The following TEF variants were observed in gnomAD, a reference collection of about 807,000 sequenced individuals.
TEF encodes the protein TEF transcription factor, PAR bZIP family member.
A neutral mutation model predicts 20.8 loss-of-function variants in TEF; 3 were observed. The observed-to-expected ratio is 0.14, with a 90% CI of 0.07 to 0.37. The LOEUF is 0.37. TEF is among the 10% of genes least tolerant of loss of function. The probability of loss-of-function intolerance (pLI) is 1.00; values close to 1 mark genes in which losing one functional copy is unlikely to be tolerated. For synonymous variants in TEF, 180 were observed against 171.1 expected, an observed-to-expected ratio of 1.05 and a Z score of -0.41; for missense variants, 296 against 397.9, an observed-to-expected ratio of 0.74 and a Z score of 2.18.
chr22:41,370,751 A>G (rs2036874661), intron 1 of TEF, among the ~76,000 whole-genome samples: 2 of 152,152 alleles, frequency 1.3e-5, no homozygotes, highest in Non-Finnish European at 2.9e-5. Context: ...CTTGAAACCC[A>G]GACTTGGGGT....
At chr22:41,387,225 T>C in intron 1 of TEF, 126 bp from the exon 2 acceptor site, 1 of 1,059,866 alleles carries the variant, frequency 9.4e-7, no homozygotes, top group Middle Eastern at 3.1e-4. Flanking sequence ...GAGTAGGTTC[T>C]TGAAATGCAT....
upstream of TEF, among the ~76,000 whole-genome samples, chr22:41,378,629 C>G (rs1375694344): frequency 6.6e-6 from 1 of 152,070 alleles, no homozygotes; most frequent in Admixed American, 6.6e-5. Context: ...CAGGCGTGAG[C>G]CACTGTGCCC....
chr22:41,385,377 T>A (rs1569255977), intron 1 of TEF, among the ~76,000 whole-genome samples: 1 of 151,880 alleles, frequency 6.6e-6, no homozygotes, highest in African/African-American at 2.4e-5. Flanking sequence ...AAAAAAAAGT[T>A]ATTTCTAATC....
Position 41,387,591 on chromosome 22 carries a change from C to G in TEF, c.398C>G (p.Ser133Cys). Residue 133 changes from serine to cysteine, a missense_variant, in exon 2 of 4, where the codon TCT (serine) becomes TGT (cysteine). Ser to Cys is a moderately radical substitution (Grantham distance 112). Coordinates refer to ENST00000266304, the MANE Select transcript of TEF (RefSeq NM_003216.4). ...GTAGCAGAGCTAGAAGGGAAGGAGT[C>G]TGCCAGCTCTTCCACAGCATCCCCA... is the stretch of plus-strand genomic sequence containing the variant. ...LPVAELEGKE[S>C]ASSSTASPPS... 1 of 1,614,240 alleles carries G rather than the reference C, an allele frequency of 6.2e-7. No homozygotes were observed. Among genetic ancestry groups the G allele is most frequent in the Non-Finnish European group, 8.5e-7 (1 of 1,180,042 alleles).
upstream of TEF, among the ~76,000 whole-genome samples, chr22:41,376,990 T>A (rs1363541253): frequency 6.6e-6 from 1 of 152,046 alleles, no homozygotes; most frequent in Non-Finnish European, 1.5e-5. Flanking sequence ...ACCAGTGTGG[T>A]CTTGTTTCTT....
At chr22:41,374,188 T>C (rs1027386142) in intron 1 of TEF, among the ~76,000 whole-genome samples, 1 of 152,002 alleles carries the variant, frequency 6.6e-6, no homozygotes, top group Non-Finnish European at 1.5e-5. Flanking sequence ...GGAGGAGTGC[T>C]TGAGCCCAGG....
chr22:41,369,748 T>G (rs748695638), intron 1 of TEF, among the ~76,000 whole-genome samples: 5 of 152,164 alleles, frequency 3.3e-5, no homozygotes, highest in Non-Finnish European at 5.9e-5. Flanking sequence ...TGGCTTCTCT[T>G]CCATCTGCCA....
Position 41,381,972 on chromosome 22 carries a change from G to T in TEF, c.-73G>T. On this transcript the variant is annotated 5_prime_UTR_variant, in exon 1 of 4. Transcript: ENST00000266304. ...AGCTGCCCGTGTCGGCAGCTGCAGC[G>T]GGTCGCACGGCTCCGGCCCATCTCG... 1 of 1,228,384 alleles carries T rather than the reference G, an allele frequency of 8.1e-7. No homozygotes were observed. Among genetic ancestry groups the T allele is most frequent in the East Asian group, 3.2e-5 (1 of 31,496 alleles). 76.1% of individuals were successfully genotyped at this position (1,228,384 alleles called of 1,614,324 possible).
chr22:41,381,981 G>A lies in TEF; in HGVS notation c.-64G>A. On this transcript the variant is annotated 5_prime_UTR_variant, in exon 1 of 4. Coordinates refer to ENST00000266304, the MANE Select transcript of TEF (RefSeq NM_003216.4). ...TGTCGGCAGCTGCAGCGGGTCGCACGGCTCCGGCCCATCTCGGGGGGCGGG... is the reference window on the plus strand; with the variant it reads ...TGTCGGCAGCTGCAGCGGGTCGCACAGCTCCGGCCCATCTCGGGGGGCGGG... 1.6e-6 allele frequency: 2 copies of A among 1,228,772 alleles called. No individual in the cohort carries two copies. Among genetic ancestry groups the A allele is most frequent in the Non-Finnish European group, 2.0e-6 (2 of 986,076 alleles). The allele number at this position is 1,228,772 out of a possible 1,614,324, so 76.1% of individuals were successfully genotyped here.
chr22:41,397,310 C>G lies in TEF; in HGVS notation c.*1350C>G, dbSNP rs935155239. ...GACTCCTTTCTCTTGTGTGGCGGGACTCGCCCTTTTGCTGTGCTCAGAAGA... is the reference window on the plus strand; with the variant it reads ...GACTCCTTTCTCTTGTGTGGCGGGAGTCGCCCTTTTGCTGTGCTCAGAAGA... On this transcript the variant is annotated 3_prime_UTR_variant, in exon 4 of 4. Transcript: ENST00000266304. 57 of 392,038 alleles carry G rather than the reference C, an allele frequency of 1.5e-4. No individual in the cohort carries two copies. The highest frequency in any genetic ancestry group is 2.3e-4 in the Non-Finnish European group (52 of 222,246). The allele number at this position is 392,038 out of a possible 1,614,324, so 24.3% of individuals were successfully genotyped here. A position where few individuals can be genotyped will look rare whatever the true frequency, so the allele number is the denominator to read the frequency against.
chr22:41,377,983 C>G (rs2036964687), upstream of TEF, among the ~76,000 whole-genome samples: 1 of 152,170 alleles, frequency 6.6e-6, no homozygotes, highest in Non-Finnish European at 1.5e-5. Flanking sequence ...TCCCATCTTT[C>G]TCATAAACAC....
chr22:41,387,741 T>G lies in TEF; in HGVS notation c.475+73T>G. ...TCCATTTCCCACTGAGGGCTGCTTG[T>G]GTCCATGTACCCAGTGAGTCCCTTC... On this transcript the variant is annotated intron_variant, in intron 2 of 3. Transcript: ENST00000266304. The G allele has an allele frequency of 2.1e-6, 3 of 1,459,228 alleles. No individual in the cohort carries two copies. In the South Asian group the frequency reaches 3.9e-5, roughly 19 times the overall value. 90.4% of individuals were successfully genotyped at this position (1,459,228 alleles called of 1,614,324 possible).
At chr22:41,370,289 ATT>A (rs2036867890) in intron 1 of TEF, among the ~76,000 whole-genome samples, 1 of 150,416 alleles carries the variant, frequency 6.6e-6, no homozygotes, top group Non-Finnish European at 1.5e-5. Context: ...TAATTTTTGT[ATT>A]TTTAGTACAG....
chr22:41,373,563 A>G (rs980043242), intron 1 of TEF, among the ~76,000 whole-genome samples: 2 of 151,276 alleles, frequency 1.3e-5, no homozygotes, highest in Non-Finnish European at 2.9e-5. Context: ...TCCGCCTCCC[A>G]GGTTCAAGCA....
intron 1 of TEF, among the ~76,000 whole-genome samples, chr22:41,367,750 G>C (rs546087990): frequency 5.9e-5 from 9 of 152,310 alleles, no homozygotes; most frequent in Admixed American, 6.5e-5. Flanking sequence ...AGAGTGCGGA[G>C]AGGGGTTCGA....
intron 1 of TEF, among the ~76,000 whole-genome samples, chr22:41,372,192 T>C (rs1464904354): frequency 1.3e-5 from 2 of 152,192 alleles, no homozygotes; most frequent in African/African-American, 4.8e-5. Flanking sequence ...AAAGAGGCAC[T>C]GGCTACCCTC....
At chr22:41,368,104 G>A (rs181356120) in intron 1 of TEF, among the ~76,000 whole-genome samples, 4 of 152,208 alleles carry the variant, frequency 2.6e-5, no homozygotes, top group Non-Finnish European at 4.4e-5. Context: ...CACAAGGCTC[G>A]AAGCCCTGCG....
rs550544991 is a variant in TEF, at chr22:41,382,834, C to A, written c.157+633C>A. 372 of 464,616 alleles carry A rather than the reference C, an allele frequency of 8.0e-4. 1 individual carries two copies. The highest frequency in any genetic ancestry group is 1.4e-3 in the Non-Finnish European group (308 of 223,456). The allele number at this position is 464,616 out of a possible 1,614,324, so 28.8% of individuals were successfully genotyped here. A position where few individuals can be genotyped will look rare whatever the true frequency, so the allele number is the denominator to read the frequency against. On this transcript the variant is annotated intron_variant, in intron 1 of 3. Coordinates refer to ENST00000266304, the MANE Select transcript of TEF (RefSeq NM_003216.4). ...GGCGCCTTGGGAGGGGAGTTTTGGG[C>A]CAAGCAGAGAAACGATGAGGGTCAG...
chr22:41,368,812 GCCT>G (rs762606308), intron 1 of TEF, among the ~76,000 whole-genome samples: 10 of 152,108 alleles, frequency 6.6e-5, no homozygotes, highest in Non-Finnish European at 1.0e-4. Flanking sequence ...CGCTCCTGTG[GCCT>G]CCTAGCACTG....
Sources: allele counts gnomAD v4.1 joint callset (sites outside exome capture counted in the v4.1 genomes callset), GRCh38; gene constraint gnomAD v4.1.1; transcripts MANE v1.5; gene names NCBI Gene and HGNC (gene_info 2026-07-23, HGNC 2026-07-21).